The following METTL2A variants were observed in gnomAD, a reference collection of about 807,000 sequenced individuals.
METTL2A encodes the protein tRNA N(3)-cytidine methyltransferase METTL2A.
In METTL2A, 45 loss-of-function variants were observed where a neutral mutation model predicts 49.4. The ratio of observed to expected loss-of-function variants is 0.91; its 90% CI spans 0.72 to 1.17. The LOEUF is 1.17. Ranked by LOEUF, METTL2A falls within the 50% of genes most tolerant of loss-of-function variation. METTL2A has a pLI of 0.00. For synonymous variants in METTL2A, 118 were observed against 167.5 expected (o/e 0.70, Z 2.28); for missense variants, 361 against 462.2 (o/e 0.78, Z 2.01).
chr17:62,424,140 G>A, intron 1 of METTL2A, 79 bp from the exon 2 acceptor site: 1 of 1,602,896 alleles, frequency 6.2e-7, no homozygotes. Flanking sequence ...TCCAAGGGGA[G>A]AGAAACTCCT....
At chr17:62,442,705 C>T (rs1304731584) in intron 6 of METTL2A, among the ~76,000 whole-genome samples, 1 of 152,154 alleles carries the variant, frequency 6.6e-6, no homozygotes, top group Non-Finnish European at 1.5e-5. Context: ...GGGGTTGGCA[C>T]ATGTTAGGGT....
Position 62,437,748 on chromosome 17 carries a change from C to T in METTL2A, c.669+2456C>T, listed in dbSNP as rs149133074. 7.8e-3 allele frequency among the ~76,000 whole-genome samples: 1,182 copies of T among 152,188 alleles called. 16 individuals are homozygous for T. The highest frequency in any genetic ancestry group is 0.026 in the African/African-American group (1,064 of 41,514). On this transcript the variant is annotated intron_variant, in intron 5 of 8. Coordinates refer to ENST00000311506, the MANE Select transcript of METTL2A (RefSeq NM_181725.4). ...CAGCACTTTGGGAGGCCAAGGCCAG[C>T]GGATCACGAGGTCAGGAGTTCGATA...
Position 62,440,748 on chromosome 17 carries a change from T to C in METTL2A, c.801T>C (p.Val267=), listed in dbSNP as rs1273288725. 1.9e-6 allele frequency: 3 copies of C among 1,613,420 alleles called. No individual in the cohort carries two copies. Among genetic ancestry groups the C allele is most frequent in the Middle Eastern group, 1.7e-4 (1 of 6,058 alleles). ...IILIFVLSAI[V]PDKMQKAINR... ...TCATATTTGTTCTTTCAGCAATTGT[T>C]CCAGACAAGTAAGTTTGGGTCCCTT... Residue 267 remains valine (V), a synonymous_variant, in exon 6 of 9, where the codon GTT becomes GTC. Coordinates refer to ENST00000311506, the MANE Select transcript of METTL2A (RefSeq NM_181725.4).
chr17:62,440,463 T>G (rs1364113724), intron 5 of METTL2A, among the ~76,000 whole-genome samples, 154 bp from the exon 6 acceptor site: 2 of 152,138 alleles, frequency 1.3e-5, no homozygotes, highest in Admixed American at 1.3e-4. Flanking sequence ...CTGGGCAACA[T>G]GGGGAGATTT....
intron 5 of METTL2A, among the ~76,000 whole-genome samples, chr17:62,440,060 T>C (rs1366253511): frequency 6.6e-6 from 1 of 151,304 alleles, no homozygotes; most frequent in Non-Finnish European, 1.5e-5. Context: ...AGTTTCACTC[T>C]TGTTGCCCAG....
In METTL2A at chr17:62,447,141, A is replaced by T. The variant is rs143071184; in HGVS notation, c.917-560A>T. 9.9e-5 allele frequency among the ~76,000 whole-genome samples: 15 copies of T among 152,232 alleles called. No individual in the cohort carries two copies. The East Asian group carries it at 2.9e-3, about 29-fold the overall frequency. ...TAATTAAAAAAAATAAAAATAGGCC[A>T]GGCACGGTGGCTCATGCCTTTAATC... On this transcript the variant is annotated intron_variant, in intron 7 of 8. Transcript: ENST00000311506.
chr17:62,437,348 T>C (rs572882589), intron 5 of METTL2A, among the ~76,000 whole-genome samples: 11 of 152,204 alleles, frequency 7.2e-5, no homozygotes, highest in South Asian at 2.1e-4. Context: ...GGGCACAAAA[T>C]ACAGCCCCAA....
chr17:62,449,804 C>A lies in METTL2A; in HGVS notation c.*1075C>A, dbSNP rs1252202486. On this transcript the variant is annotated 3_prime_UTR_variant, in exon 9 of 9. Coordinates refer to ENST00000311506, the MANE Select transcript of METTL2A (RefSeq NM_181725.4). ...GTCTAAAGAATTAAAAGAATTTGGC[C>A]GGGTGCGGCAGCTCATGCCTGTAAT... The A allele has an allele frequency of 6.3e-6, 1 of 157,988 alleles. No individual in the cohort carries two copies. The highest frequency in any genetic ancestry group is 2.4e-5 in the African/African-American group (1 of 41,436). The allele number at this position is 157,988 out of a possible 1,614,324, so 9.8% of individuals were successfully genotyped here. A position where few individuals can be genotyped will look rare whatever the true frequency, so the allele number is the denominator to read the frequency against.
At chr17:62,429,383 C>T (rs1262251201) in intron 4 of METTL2A, among the ~76,000 whole-genome samples, 1 of 151,564 alleles carries the variant, frequency 6.6e-6, no homozygotes, top group Non-Finnish European at 1.5e-5. Flanking sequence ...CTCCGCCTTC[C>T]GGGTTCAAGT....
intron 2 of METTL2A, among the ~76,000 whole-genome samples, chr17:62,424,907 G>A (rs1350504883): frequency 6.6e-6 from 1 of 151,510 alleles, no homozygotes; most frequent in Non-Finnish European, 1.5e-5. Flanking sequence ...AGGACTGATT[G>A]TTCCAGACAA....
rs1356845915 is a variant in METTL2A at position 62,453,224 on chromosome 17, C to T, written c.*4495C>T. ...TTTATTCTCTGCCATCTGCTAAGCT[C>T]GACTTTTTATCTCTCAGGCCAAATT... On this transcript the variant is annotated 3_prime_UTR_variant, in exon 9 of 9. Coordinates refer to ENST00000311506, the MANE Select transcript of METTL2A (RefSeq NM_181725.4). Among the ~76,000 whole-genome samples the T allele has an allele frequency of 1.3e-5, 2 of 152,142 alleles. No homozygotes were observed. Among genetic ancestry groups the T allele is most frequent in the African/African-American group, 4.8e-5 (2 of 41,432 alleles).
intron 4 of METTL2A, among the ~76,000 whole-genome samples, chr17:62,434,100 C>T (rs1391925050): frequency 6.6e-6 from 1 of 152,192 alleles, no homozygotes; most frequent in Non-Finnish European, 1.5e-5. Flanking sequence ...GATTAGAGAA[C>T]AGGACAGGCA....
intron 5 of METTL2A, among the ~76,000 whole-genome samples, chr17:62,437,966 C>T (rs2070712202): frequency 6.7e-6 from 1 of 148,536 alleles, no homozygotes; most frequent in Non-Finnish European, 1.5e-5. Flanking sequence ...AGCAAGACTC[C>T]ATCTCAAAAA....
intron 4 of METTL2A, among the ~76,000 whole-genome samples, chr17:62,431,932 G>T (rs1033586233): frequency 6.6e-6 from 1 of 152,072 alleles, no homozygotes; most frequent in Non-Finnish European, 1.5e-5. Context: ...TGTTGGCCAG[G>T]CTGGTCTCAA....
At position 62,451,454 on chromosome 17, in the gene METTL2A, C is replaced by T. The variant is rs945141034; in HGVS notation, c.*2725C>T. On this transcript the variant is annotated 3_prime_UTR_variant, in exon 9 of 9. Coordinates refer to ENST00000311506, the MANE Select transcript of METTL2A (RefSeq NM_181725.4). Reference sequence around the variant, plus strand: ...TGAGCCACCACGCCCGGCCAAGACCCTGACTTTTTAAAAAATGTTAAAAAT... The same window carrying T: ...TGAGCCACCACGCCCGGCCAAGACCTTGACTTTTTAAAAAATGTTAAAAAT... Among the ~76,000 whole-genome samples, 2 of 150,484 alleles carry T rather than the reference C, an allele frequency of 1.3e-5. No homozygotes were observed. The highest frequency in any genetic ancestry group is 2.0e-4 in the East Asian group (1 of 4,958).
At chr17:62,438,622 G>A (rs2070717460) in intron 5 of METTL2A, among the ~76,000 whole-genome samples, 1 of 151,188 alleles carries the variant, frequency 6.6e-6, no homozygotes, top group African/African-American at 2.4e-5. Context: ...GTACAATGCT[G>A]TTAGGGCAGA....
chr17:62,444,147 C>G (rs1453803525), intron 6 of METTL2A, among the ~76,000 whole-genome samples: 1 of 152,182 alleles, frequency 6.6e-6, no homozygotes, highest in Non-Finnish European at 1.5e-5. Context: ...TCTAATGATG[C>G]AGGCAGATAA....
Position 62,444,886 on chromosome 17 carries a change from A to T in METTL2A, c.859A>T (p.Met287Leu), listed in dbSNP as rs762006772. 4 of 1,613,886 alleles carry T rather than the reference A, an allele frequency of 2.5e-6. No homozygotes were observed. The African/African-American group carries it at 5.3e-5, about 22-fold the overall frequency. Residue 287 changes from methionine to leucine, a missense_variant, in exon 7 of 9, where the codon ATG becomes TTG. Met to Leu is a conservative substitution (Grantham distance 15). Transcript: ENST00000311506. ...RLSRLLKPGG[M>L]MLLRDYGRYD... ...GAGCAGGCTTCTGAAACCTGGCGGG[A>T]TGATGCTTCTGCGAGATTACGGCCG...
intron 4 of METTL2A, among the ~76,000 whole-genome samples, chr17:62,433,433 C>CA (rs567017864): frequency 8.0e-4 from 115 of 143,080 alleles, no homozygotes; most frequent in Admixed American, 2.1e-3. Flanking sequence ...AACTCCATCT[C>CA]AAAAAAAAAA....
Sources: gnomAD v4.1 joint callset for allele counts (sites outside exome capture counted in the v4.1 genomes callset) on GRCh38, gnomAD v4.1.1 for gene constraint, MANE v1.5 for transcripts, NCBI Gene and HGNC (gene_info 2026-07-23, HGNC 2026-07-21) for gene names.